The following PIK3CA variants were observed in gnomAD, a reference collection of about 807,000 sequenced individuals.
The protein encoded by PIK3CA is phosphatidylinositol-4,5-bisphosphate 3-kinase catalytic subunit alpha, also known as phosphatidylinositol 4,5-bisphosphate 3-kinase catalytic subunit alpha isoform.
Under a neutral mutation model 138.2 loss-of-function variants are expected in PIK3CA, and 27 were observed. That is an observed-to-expected ratio of 0.20 (90% CI 0.14 to 0.27). The LOEUF is 0.27. Among genes scored for constraint, PIK3CA ranks in the 10% least tolerant of loss-of-function variants. The probability of loss-of-function intolerance (pLI) is 1.00; values close to 1 mark genes in which losing one functional copy is unlikely to be tolerated. For synonymous variants in PIK3CA, 358 were observed against 413.2 expected (o/e 0.87, Z 1.62); for missense variants, 544 against 1,277.4 (o/e 0.43, Z 8.75).
intron 1 of PIK3CA, among the ~76,000 whole-genome samples, chr3:179,149,962 C>G (rs1480310494): frequency 6.6e-6 from 1 of 151,564 alleles, no homozygotes. Context: ...TTCAAAGCAA[C>G]TACAGTCTTA....
chr3:179,203,461 A>T, intron 4 of PIK3CA, 83 bp from the exon 5 acceptor site: 1 of 1,128,872 alleles, frequency 8.9e-7, no homozygotes, highest in Non-Finnish European at 1.2e-6. Context: ...TTGCAGATTA[A>T]TATGTAGTCA....
chr3:179,203,001 C>T (rs1337574595), intron 4 of PIK3CA, among the ~76,000 whole-genome samples: 2 of 137,172 alleles, frequency 1.5e-5, no homozygotes, highest in African/African-American at 2.8e-5. Context: ...AGTGCAGTGG[C>T]AGGATCTCGG....
intron 6 of PIK3CA, among the ~76,000 whole-genome samples, chr3:179,206,549 A>C (rs1724567126): frequency 6.6e-6 from 1 of 152,200 alleles, no homozygotes; most frequent in African/African-American, 2.4e-5. Flanking sequence ...GCCCCAAGCA[A>C]AGACCCCAAA....
At chr3:179,203,174 T>C (rs2108391935) in intron 4 of PIK3CA, among the ~76,000 whole-genome samples, 1 of 151,994 alleles carries the variant, frequency 6.6e-6, no homozygotes, top group Middle Eastern at 3.4e-3. Context: ...TCTCCTGACC[T>C]CGTGATCCGC....
intron 1 of PIK3CA, among the ~76,000 whole-genome samples, chr3:179,150,676 C>G (rs776836288): frequency 6.6e-6 from 1 of 152,132 alleles, no homozygotes; most frequent in African/African-American, 2.4e-5. Flanking sequence ...AACAGCCTTT[C>G]TGGTGGCAGA....
At chr3:179,215,046 TAA>T (rs1228596091) in intron 9 of PIK3CA, among the ~76,000 whole-genome samples, 1 of 152,158 alleles carries the variant, frequency 6.6e-6, no homozygotes, top group Non-Finnish European at 1.5e-5. Flanking sequence ...TGGCTATAGA[TAA>T]ACCAGCCAAT....
rs1725410145 is a variant in PIK3CA at position 179,239,993 on chromosome 3, C to T, written c.*5629C>T. Reference sequence around the variant, plus strand: ...TAGCAAGAAGTTTGGCCTGTGACTGCACTTACTGTTTATGCTCATCAGAAA... The same window carrying T: ...TAGCAAGAAGTTTGGCCTGTGACTGTACTTACTGTTTATGCTCATCAGAAA... On this transcript the variant is annotated 3_prime_UTR_variant, in exon 21 of 21. Coordinates refer to ENST00000263967, the MANE Select transcript of PIK3CA (RefSeq NM_006218.4). The T allele has an allele frequency of 1.3e-6, 2 of 1,539,396 alleles. No individual in the cohort carries two copies. Among genetic ancestry groups the T allele is most frequent in the Non-Finnish European group, 1.8e-6 (2 of 1,138,962 alleles).
intron 1 of PIK3CA, among the ~76,000 whole-genome samples, chr3:179,156,378 A>C (rs1723140064): frequency 6.6e-6 from 1 of 152,208 alleles, no homozygotes; most frequent in Non-Finnish European, 1.5e-5. Context: ...TATAAAGGCC[A>C]GCAGACTTGT....
chr3:179,151,434 T>C (rs1723011656), intron 1 of PIK3CA, among the ~76,000 whole-genome samples: 1 of 152,246 alleles, frequency 6.6e-6, no homozygotes, highest in African/African-American at 2.4e-5. Flanking sequence ...GTAATATCTT[T>C]ATTTAATTTC....
At chr3:179,223,110 A>G (rs1005892459) in intron 14 of PIK3CA, among the ~76,000 whole-genome samples, 8 of 152,250 alleles carry the variant, frequency 5.3e-5, no homozygotes, top group Non-Finnish European at 7.3e-5. Flanking sequence ...GTGATAAAAT[A>G]TAAGAAGCAT....
At chr3:179,180,666 A>G (rs1723818548) in intron 1 of PIK3CA, among the ~76,000 whole-genome samples, 1 of 152,172 alleles carries the variant, frequency 6.6e-6, no homozygotes, top group Non-Finnish European at 1.5e-5. Context: ...GAAAGTGGTG[A>G]TGTCATGAAG....
At chr3:179,161,272 C>T (rs541944553) in intron 1 of PIK3CA, among the ~76,000 whole-genome samples, 2 of 152,334 alleles carry the variant, frequency 1.3e-5, no homozygotes, top group South Asian at 4.1e-4. Context: ...TTTCTATCTT[C>T]TTGTCTCTAG....
chr3:179,161,005 T>G (rs1231527336), intron 1 of PIK3CA, among the ~76,000 whole-genome samples: 1 of 152,212 alleles, frequency 6.6e-6, no homozygotes, highest in Non-Finnish European at 1.5e-5. Context: ...GCAAACGTGC[T>G]GTTTCATTGC....
intron 1 of PIK3CA, among the ~76,000 whole-genome samples, chr3:179,183,369 T>G (rs1723897343): frequency 6.6e-6 from 1 of 152,194 alleles, no homozygotes; most frequent in Non-Finnish European, 1.5e-5. Flanking sequence ...ACATCCCAGA[T>G]AGACTTGGGG....
intron 2 of PIK3CA, 116 bp from the exon 3 acceptor site, chr3:179,199,574 A>C: frequency 1.4e-6 from 1 of 690,032 alleles, no homozygotes; most frequent in Non-Finnish European, 2.3e-6. Flanking sequence ...ACCTAGCGGT[A>C]CTTTTTTTAC....
intron 1 of PIK3CA, among the ~76,000 whole-genome samples, chr3:179,156,901 CCA>C (rs1257802035): frequency 6.6e-6 from 1 of 152,122 alleles, no homozygotes; most frequent in East Asian, 1.9e-4. Context: ...GCCTTTAGCC[CCA>C]CAGTGACTGA....
At chr3:179,172,491 GAA>G (rs532076726) in intron 1 of PIK3CA, among the ~76,000 whole-genome samples, 1 of 139,998 alleles carries the variant, frequency 7.1e-6, no homozygotes, top group African/African-American at 2.6e-5. Flanking sequence ...CTACCAAAAA[GAA>G]AAAAAAAAAA....
chr3:179,150,801 C>G (rs2108346768), intron 1 of PIK3CA, among the ~76,000 whole-genome samples: 1 of 152,286 alleles, frequency 6.6e-6, no homozygotes, highest in South Asian at 2.1e-4. Context: ...ACTGTAATAA[C>G]TTTTTCTCTA....
chr3:179,163,482 T>G (rs7635669), intron 1 of PIK3CA, among the ~76,000 whole-genome samples: 37,108 of 151,882 alleles, frequency 0.24, 5,602 homozygotes, highest in African/African-American at 0.42. Flanking sequence ...AGACTCCCTA[T>G]CTTTAAAAAA....
Sources: gnomAD v4.1 joint callset for allele counts (sites outside exome capture counted in the v4.1 genomes callset) on GRCh38, gnomAD v4.1.1 for gene constraint, MANE v1.5 for transcripts, NCBI Gene and HGNC (gene_info 2026-07-23, HGNC 2026-07-21) for gene names.